EEF2KMT: variants seen among roughly 807,000 people sequenced by gnomAD.
EEF2KMT encodes protein-lysine N-methyltransferase EEF2KMT.
In EEF2KMT, 30 loss-of-function variants were observed where a neutral mutation model predicts 35.1. The observed-to-expected ratio is 0.85, with a 90% CI of 0.64 to 1.16. The LOEUF is 1.16. EEF2KMT is among the 50% of genes most tolerant of loss of function. The pLI is 0.00. For synonymous variants in EEF2KMT, 190 were observed against 187.7 expected (o/e 1.01, Z -0.10); for missense variants, 499 against 438.2 (o/e 1.14, Z -1.24).
chr16:5,088,737 G>A (rs1957271111), intron 7 of EEF2KMT, among the ~76,000 whole-genome samples: 2 of 152,134 alleles, frequency 1.3e-5, no homozygotes, highest in South Asian at 4.1e-4. Context: ...GGATCCGCCT[G>A]TACATCCTGT....
intron 2 of EEF2KMT, among the ~76,000 whole-genome samples, chr16:5,093,877 G>A (rs1469183569): frequency 6.6e-6 from 1 of 152,212 alleles, no homozygotes; most frequent in African/African-American, 2.4e-5. Context: ...TTGCAGTAAG[G>A]ACAGTCGCCA....
At position 5,090,575 on chromosome 16, in the gene EEF2KMT, G is replaced by C. The variant is rs754521245; in HGVS notation, c.343-10C>G. The C allele has an allele frequency of 4.3e-6, 7 of 1,611,828 alleles. No individual in the cohort carries two copies. Among genetic ancestry groups the C allele is most frequent in the Non-Finnish European group, 5.1e-6 (6 of 1,179,800 alleles). On this transcript the variant is annotated splice_polypyrimidine_tract_variant and intron_variant, in intron 4 of 7. Coordinates refer to ENST00000427587, the MANE Select transcript of EEF2KMT (RefSeq NM_201400.4). The surrounding 1 kb of genome is among the most constrained non-coding windows in gnomAD (Gnocchi z 4.1). ...CCGAGCCTCCCGAGGGCTGCACCAA[G>C]AGAAGGCGAGAGAGTCAGTCCAGCG... is the stretch of plus-strand genomic sequence containing the variant.
rs927073440 is a variant in EEF2KMT at position 5,090,169 on chromosome 16, G to A, written c.657C>T (p.Pro219=). 1 of 1,611,638 alleles carries A rather than the reference G, an allele frequency of 6.2e-7. No homozygotes were observed. Among genetic ancestry groups the A allele is most frequent in the Non-Finnish European group, 8.5e-7 (1 of 1,179,860 alleles). The change falls in exon 6 of 8, where the codon CCC becomes CCT. Residue 219 remains proline (P), a synonymous_variant. Coordinates refer to ENST00000427587, the MANE Select transcript of EEF2KMT (RefSeq NM_201400.4). This position sits in a 1 kb window ranked among gnomAD's most constrained non-coding sequence, Gnocchi z 4.1. The stretch of plus-strand genomic sequence containing the variant: ...AGTCCAGCTGGGCCACTGTCACCCT[G>A]GGGCTGTCTAACTTGGCAGTGATGT... ...EADITAKLDS[P]RVTVAQLDWD...
chr16:5,096,742 A>G (rs1395719493), intron 1 of EEF2KMT, among the ~76,000 whole-genome samples: 3 of 152,224 alleles, frequency 2.0e-5, no homozygotes, highest in African/African-American at 7.2e-5. Context: ...TGGTAATAAT[A>G]GTACCCACCT....
Position 5,084,777 on chromosome 16 carries a change from G to C in EEF2KMT, c.*855C>G. 5 of 1,596,446 alleles carry C rather than the reference G, an allele frequency of 3.1e-6. No individual in the cohort carries two copies. Among genetic ancestry groups the C allele is most frequent in the Non-Finnish European group, 4.2e-6 (5 of 1,179,780 alleles). On this transcript the variant is annotated 3_prime_UTR_variant, in exon 8 of 8. Coordinates refer to ENST00000427587, the MANE Select transcript of EEF2KMT (RefSeq NM_201400.4). ...GCTTTTCTCAAACTTTCCTGATCCT[G>C]CGGGCAAGCTAAACCAGTTCCGGAA...
At position 5,089,193 on chromosome 16, in the gene EEF2KMT, C is replaced by T. The variant is rs548056696; in HGVS notation, c.806G>A (p.Cys269Tyr). 29 of 1,610,796 alleles carry T rather than the reference C, an allele frequency of 1.8e-5. 1 individual carries two copies. The South Asian group carries it at 2.2e-4, about 12-fold the overall frequency. ...LVGVLRRLAA[C>Y]REHQRAPEVY... is the part of the protein sequence containing the mutation. ...CTCAGGAGCCCGCTGGTGCTCCCGGCAGGCAGCCAGCCTCCGCAGGACCCC... is the reference window on the plus strand; with the variant it reads ...CTCAGGAGCCCGCTGGTGCTCCCGGTAGGCAGCCAGCCTCCGCAGGACCCC... The change falls in exon 7 of 8, where the codon TGC (cysteine) becomes TAC (tyrosine). Residue 269 changes from cysteine to tyrosine, a missense_variant. Physicochemically the swap from Cys to Tyr is radical, Grantham distance 194. Coordinates refer to ENST00000427587, the MANE Select transcript of EEF2KMT (RefSeq NM_201400.4).
chr16:5,092,048 G>A (rs1473524248), intron 3 of EEF2KMT, 153 bp from the exon 4 acceptor site: 38 of 1,432,128 alleles, frequency 2.7e-5, no homozygotes, highest in Non-Finnish European at 3.3e-5. Flanking sequence ...TGGGCTTGGT[G>A]GTGTGTGCCG....
chr16:5,088,832 C>A (rs1409481391), intron 7 of EEF2KMT, among the ~76,000 whole-genome samples: 1 of 152,122 alleles, frequency 6.6e-6, no homozygotes, highest in Non-Finnish European at 1.5e-5. Flanking sequence ...GATGAGGAAA[C>A]CGAGGCCCAA....
intron 2 of EEF2KMT, among the ~76,000 whole-genome samples, chr16:5,094,692 T>C (rs930847647): frequency 6.7e-6 from 1 of 149,362 alleles, no homozygotes; most frequent in African/African-American, 2.5e-5. Context: ...GCCCTGGTAT[T>C]GCCCCGAAAG....
chr16:5,096,217 T>C (rs2334159), intron 1 of EEF2KMT, among the ~76,000 whole-genome samples: 6 of 152,196 alleles, frequency 3.9e-5, no homozygotes, highest in African/African-American at 4.8e-5. Context: ...CCAGTTCAAA[T>C]GCCACCTCTT....
intron 7 of EEF2KMT, among the ~76,000 whole-genome samples, 158 bp downstream of exon 7, chr16:5,088,949 A>G (rs1372640137): frequency 1.3e-5 from 2 of 152,162 alleles, no homozygotes; most frequent in Admixed American, 6.5e-5. Flanking sequence ...CCACGCCCCA[A>G]GCCCACCCTG....
chr16:5,090,722 C>T lies in EEF2KMT; in HGVS notation c.343-157G>A, dbSNP rs1407697874. On this transcript the variant is annotated intron_variant, in intron 4 of 7. Coordinates refer to ENST00000427587, the MANE Select transcript of EEF2KMT (RefSeq NM_201400.4). This position sits in a 1 kb window ranked among gnomAD's most constrained non-coding sequence, Gnocchi z 4.1. ...ACTGTTGGCATGCCAACAGCTTTCA[C>T]GGGCCTCAAGGGTGTCACGCGGTGT... 1.3e-5 allele frequency among the ~76,000 whole-genome samples: 2 copies of T among 152,058 alleles called. No homozygotes were observed. Among genetic ancestry groups the T allele is most frequent in the African/African-American group, 2.4e-5 (1 of 41,390 alleles).
At chr16:5,095,217 C>A (rs1006161880) in intron 2 of EEF2KMT, among the ~76,000 whole-genome samples, 2 of 152,220 alleles carry the variant, frequency 1.3e-5, no homozygotes, top group South Asian at 2.1e-4. Context: ...AGATTCCCCC[C>A]TCTCATTGCA....
intron 3 of EEF2KMT, 51 bp downstream of exon 3, chr16:5,093,433 C>T (rs758215896): frequency 1.1e-5 from 17 of 1,610,820 alleles, no homozygotes; most frequent in African/African-American, 6.7e-5. Flanking sequence ...GGCTCCAGCA[C>T]GCAGGTGGCT....
At position 5,093,442 on chromosome 16, in the gene EEF2KMT, C is replaced by A. The variant is rs373600185; in HGVS notation, c.240+42G>T. Reference sequence around the variant, plus strand: ...GACGGGGGCTCCAGCACGCAGGTGGCTATGCTGTCCGGCTACTGGGCGGAC... The same window carrying A: ...GACGGGGGCTCCAGCACGCAGGTGGATATGCTGTCCGGCTACTGGGCGGAC... On this transcript the variant is annotated intron_variant, in intron 3 of 7. Transcript: ENST00000427587. The A allele has an allele frequency of 3.7e-6, 6 of 1,611,490 alleles. No individual in the cohort carries two copies. In the African/African-American group the frequency reaches 5.3e-5, roughly 14 times the overall value.
At chr16:5,088,924 C>G (rs1357919286) in intron 7 of EEF2KMT, among the ~76,000 whole-genome samples, 183 bp downstream of exon 7, 2 of 152,214 alleles carry the variant, frequency 1.3e-5, no homozygotes, top group Non-Finnish European at 2.9e-5. Flanking sequence ...CTGCCCTCCT[C>G]CTGCCGCAAG....
intron 7 of EEF2KMT, 64 bp downstream of exon 7, chr16:5,089,043 T>G: frequency 2.5e-6 from 4 of 1,607,874 alleles, no homozygotes; most frequent in Non-Finnish European, 3.4e-6. Context: ...TTCTTTCACT[T>G]CCACTGGCGT....
At chr16:5,091,226 T>C (rs11641870) in intron 4 of EEF2KMT, among the ~76,000 whole-genome samples, 148,896 of 152,220 alleles carry the variant, frequency 0.98, 72,903 homozygotes, top group Middle Eastern at 1. Flanking sequence ...GGATTACAGG[T>C]GCCCACTACC....
chr16:5,092,148 TA>T (rs111681883), intron 3 of EEF2KMT, among the ~76,000 whole-genome samples: 23,034 of 148,072 alleles, frequency 0.16, 1,789 homozygotes, highest in East Asian at 0.26. Flanking sequence ...ACCTTGTCTC[TA>T]AAAAAAAAAA....
Sources: allele counts gnomAD v4.1 joint callset (sites outside exome capture counted in the v4.1 genomes callset), GRCh38; gene constraint gnomAD v4.1.1; non-coding constraint Gnocchi (gnomAD v3.1); transcripts MANE v1.5; gene names NCBI Gene and HGNC (gene_info 2026-07-23, HGNC 2026-07-21).